The following RBFOX1 variants were observed in gnomAD, a reference collection of about 807,000 sequenced individuals.
RBFOX1 encodes the protein RNA binding protein fox-1 homolog 1.
RBFOX1 carries 8 observed loss-of-function variants against 57.7 expected under a neutral mutation model. That is an observed-to-expected ratio of 0.14 (90% CI 0.08 to 0.25). RBFOX1 has a LOEUF of 0.25. Ranked by LOEUF, RBFOX1 falls within the 10% of genes least tolerant of loss-of-function variation. RBFOX1 has a pLI of 1.00. For synonymous variants in RBFOX1, 326 were observed against 222.4 expected (o/e 1.47, Z -4.15); for missense variants, 611 against 548.5 (o/e 1.11, Z -1.14).
rs140281725 is a variant in RBFOX1, at chr16:6,044,876, T to C, written c.-127+24884T>C. 2.3e-3 allele frequency among the ~76,000 whole-genome samples: 346 copies of C among 152,364 alleles called. 3 individuals carry two copies. Among genetic ancestry groups the C allele is most frequent in the Non-Finnish European group, 1.8e-3 (120 of 68,030 alleles). On this transcript the variant is annotated intron_variant, in intron 1 of 15. Coordinates refer to ENST00000550418, the MANE Select transcript of RBFOX1 (RefSeq NM_018723.4). Reference sequence around the variant, plus strand: ...CATGTTTCTGTACTGTTCGCTGTTTTACCTTTAGAATGAGAGTTCCCTCTG... The same window carrying C: ...CATGTTTCTGTACTGTTCGCTGTTTCACCTTTAGAATGAGAGTTCCCTCTG...
intron 4 of RBFOX1, among the ~76,000 whole-genome samples, chr16:7,155,259 T>A (rs932504682): frequency 3.9e-5 from 6 of 151,994 alleles, no homozygotes; most frequent in Admixed American, 2.6e-4. Context: ...ATCATCACCT[T>A]TAGAGTTCCA....
intron 3 of RBFOX1, among the ~76,000 whole-genome samples, chr16:6,848,080 C>T (rs1326423233): frequency 1.3e-5 from 2 of 152,070 alleles, no homozygotes; most frequent in Non-Finnish European, 2.9e-5. Flanking sequence ...GATCCACCCA[C>T]CTTGGCCTCA....
At chr16:6,683,884 C>T (rs1386835498) in intron 3 of RBFOX1, among the ~76,000 whole-genome samples, 1 of 152,158 alleles carries the variant, frequency 6.6e-6, no homozygotes, top group African/African-American at 2.4e-5. Context: ...TTATTTTACA[C>T]GAAATGGTTG....
intron 4 of RBFOX1, among the ~76,000 whole-genome samples, chr16:7,502,804 A>G (rs945424045): frequency 6.6e-6 from 1 of 152,164 alleles, no homozygotes; most frequent in East Asian, 1.9e-4. Context: ...TGGGCAGATC[A>G]TCTGAGGTCA....
intron 3 of RBFOX1, among the ~76,000 whole-genome samples, chr16:6,707,142 A>T (rs34969815): frequency 0.085 from 12,897 of 152,108 alleles, 759 homozygotes; most frequent in African/African-American, 0.17. Flanking sequence ...TGTGATTTCT[A>T]TTTGCAAAAA....
At chr16:6,874,507 T>TC (rs2061486119) in intron 3 of RBFOX1, among the ~76,000 whole-genome samples, 1 of 53,982 alleles carries the variant, frequency 1.9e-5, no homozygotes, top group Non-Finnish European at 2.9e-5. Context: ...CAAGACTCCA[T>TC]CTAAAAAAAA....
At chr16:6,192,884 A>G (rs966363073) in intron 1 of RBFOX1, among the ~76,000 whole-genome samples, 1 of 152,110 alleles carries the variant, frequency 6.6e-6, no homozygotes, top group Non-Finnish European at 1.5e-5. Context: ...TGCAACACCA[A>G]AGCTAATATT....
chr16:6,715,224 C>T (rs544788559), intron 3 of RBFOX1, among the ~76,000 whole-genome samples: 27 of 151,830 alleles, frequency 1.8e-4, no homozygotes, highest in African/African-American at 6.0e-4. Context: ...ACACACAGAA[C>T]AATGAATCTT....
chr16:5,266,676 G>A (rs1309563375), intron 1 of RBFOX1, among the ~76,000 whole-genome samples: 6 of 151,636 alleles, frequency 4.0e-5, no homozygotes, highest in Admixed American at 3.9e-4. Context: ...GCCCTCTGGA[G>A]TAGCTGGGAC....
chr16:7,119,915 C>A (rs375139657), intron 4 of RBFOX1, among the ~76,000 whole-genome samples: 3 of 151,998 alleles, frequency 2.0e-5, no homozygotes, highest in Admixed American at 6.6e-5. Context: ...TGTTCAAGTC[C>A]ACATGAGATA....
At position 5,713,751 on chromosome 16, in the gene RBFOX1, A is replaced by C. The variant is rs565292523; in HGVS notation, c.318+114790A>C. ...ACAGCATCACAGAGAGACTCATGCA[A>C]ACTGCCCCCCTCCCTGGAACATTGG... On this transcript the variant is annotated intron_variant, in intron 3 of 19. Coordinates refer to the RBFOX1 transcript ENST00000641259. Among the ~76,000 whole-genome samples, 3 of 152,254 alleles carry C rather than the reference A, an allele frequency of 2.0e-5. No homozygotes were observed. In the East Asian group the frequency reaches 5.8e-4, roughly 29 times the overall value.
chr16:6,557,962 GC>G (rs2097128259), intron 2 of RBFOX1, among the ~76,000 whole-genome samples: 1 of 151,952 alleles, frequency 6.6e-6, no homozygotes, highest in South Asian at 2.1e-4. Flanking sequence ...ATTCTTTCTT[GC>G]CACAACCTCA....
intron 4 of RBFOX1, among the ~76,000 whole-genome samples, chr16:5,897,938 T>C (rs945545584): frequency 5.9e-5 from 9 of 152,054 alleles, no homozygotes; most frequent in African/African-American, 2.2e-4. Context: ...ACCAAGAGTT[T>C]AGGTAATGAC....
Position 7,134,953 on chromosome 16 carries a change from C to T in RBFOX1, c.27+82855C>T, listed in dbSNP as rs191434442. Among the ~76,000 whole-genome samples, 29 of 151,090 alleles carry T rather than the reference C, an allele frequency of 1.9e-4. No homozygotes were observed. In the East Asian group the frequency reaches 2.5e-3, roughly 13 times the overall value. ...TTTTTTTTTTTCAATTTTGATTAGC[C>T]GCGTTCCAAGAGAGAGAGATGAATT... On this transcript the variant is annotated intron_variant, in intron 4 of 15. Transcript: ENST00000550418.
At chr16:5,288,599 A>G (rs1463590139) in intron 1 of RBFOX1, among the ~76,000 whole-genome samples, 2 of 150,848 alleles carry the variant, frequency 1.3e-5, no homozygotes, top group African/African-American at 2.4e-5. Flanking sequence ...GGTATTGGAT[A>G]TGGCAGCCCC....
chr16:6,570,293 G>C (rs542125634), intron 2 of RBFOX1, among the ~76,000 whole-genome samples: 1 of 152,238 alleles, frequency 6.6e-6, no homozygotes, highest in African/African-American at 2.4e-5. Flanking sequence ...GAAAATCAGT[G>C]TTTTTGTGTT....
At chr16:6,847,715 C>G (rs754011170) in intron 3 of RBFOX1, among the ~76,000 whole-genome samples, 29 of 152,178 alleles carry the variant, frequency 1.9e-4, no homozygotes, top group Non-Finnish European at 3.7e-4. Context: ...GATTAGAGCA[C>G]CCATCAACCT....
chr16:5,331,175 C>G (rs143669950), intron 1 of RBFOX1, among the ~76,000 whole-genome samples: 1 of 152,076 alleles, frequency 6.6e-6, no homozygotes, highest in Admixed American at 6.5e-5. Context: ...ATAGGGTAAG[C>G]CTGGAATTGG....
intron 1 of RBFOX1, chr16:5,366,661 G>C (rs774307738): frequency 2.3e-5 from 10 of 428,680 alleles, no homozygotes; most frequent in Non-Finnish European, 3.1e-5. Flanking sequence ...GGCTATTCCC[G>C]ATCTCTGGCA....
Sources: allele counts gnomAD v4.1 joint callset (sites outside exome capture counted in the v4.1 genomes callset), GRCh38; gene constraint gnomAD v4.1.1; transcripts MANE v1.5; gene names NCBI Gene and HGNC (gene_info 2026-07-23, HGNC 2026-07-21).